The following STRIP1 variants were observed in gnomAD, a reference collection of about 807,000 sequenced individuals.
The protein encoded by STRIP1 is striatin interacting protein 1, also known as striatin-interacting protein 1.
In STRIP1, 63 loss-of-function variants were observed where a neutral mutation model predicts 106.2. The ratio of observed to expected loss-of-function variants is 0.59; its 90% confidence interval spans 0.48 to 0.73. The LOEUF (loss-of-function observed/expected upper bound fraction) is 0.73, where lower values mean the gene tolerates loss of function less well. STRIP1 is among the 30% of genes least tolerant of loss of function. The pLI is 0.00. For missense variants in STRIP1, 857 were observed against 1,074.8 expected (o/e 0.80, Z 2.83); for synonymous variants, 390 against 413.0 (o/e 0.94, Z 0.67).
chr1:110,039,113 G>A (rs1417252740), intron 3 of STRIP1, 59 bp from the exon 4 acceptor site: 2 of 1,601,010 alleles, frequency 1.2e-6, no homozygotes, highest in Non-Finnish European at 1.7e-6. Context: ...GTTAACATGG[G>A]TCCATGCCAT....
At chr1:110,053,117 C>T (rs755952843) in intron 20 of STRIP1, among the ~76,000 whole-genome samples, 2 of 152,344 alleles carry the variant, frequency 1.3e-5, no homozygotes, top group Non-Finnish European at 2.9e-5. Context: ...TGAACATAGC[C>T]GTGTGGTTCC....
upstream of STRIP1, chr1:110,034,612 T>C (rs1652340256): frequency 2.0e-6 from 3 of 1,486,142 alleles, no homozygotes; most frequent in Non-Finnish European, 2.7e-6. Flanking sequence ...GTGCGCGAGT[T>C]AAGCTGGGGG....
In STRIP1 at chr1:110,039,484, G is replaced by A. The variant is rs1169687482; in HGVS notation, c.550G>A (p.Ala184Thr). 4 of 1,608,900 alleles carry A rather than the reference G, an allele frequency of 2.5e-6. No individual in the cohort carries two copies. In the African/African-American group the frequency reaches 5.3e-5, roughly 21 times the overall value. ...FLLLEVGTFN[A>T]LVELLNMEID... ...CCTCCTGGAGGTGGGCACGTTCAAT[G>A]CTTTGGTGGAGCTTCTGAACATGGA... is the stretch of plus-strand genomic sequence containing the variant. Residue 184 changes from alanine (A) to threonine (T), a missense_variant, in exon 5 of 21, where the codon GCT becomes ACT. By Grantham distance (58) the Ala-to-Thr change is moderately conservative. Around this residue, in one of 2 missense-constraint regions of STRIP1, gnomAD observed 750 missense variants for 989.8 expected, o/e 0.76. Transcript: ENST00000369795.
At chr1:110,043,913 C>T in intron 10 of STRIP1, 57 bp downstream of exon 10, 1 of 1,505,746 alleles carries the variant, frequency 6.6e-7, no homozygotes, top group South Asian at 1.1e-5. Context: ...CTCACACCCT[C>T]AGGCCTGCCA....
intron 8 of STRIP1, 116 bp from the exon 9 acceptor site, chr1:110,042,972 G>T: frequency 1.0e-6 from 1 of 997,346 alleles, no homozygotes; most frequent in South Asian, 1.7e-5. Context: ...GAGTTGCCTG[G>T]GTCTCTATAA....
chr1:110,053,340 G>C (rs186996208), intron 20 of STRIP1, among the ~76,000 whole-genome samples: 1 of 152,342 alleles, frequency 6.6e-6, no homozygotes, highest in African/African-American at 2.4e-5. Flanking sequence ...GAGAGAATGA[G>C]CAAAGGAGAA....
intron 1 of STRIP1, among the ~76,000 whole-genome samples, chr1:110,036,684 G>C (rs1304731012): frequency 1.3e-5 from 2 of 152,170 alleles, no homozygotes; most frequent in Admixed American, 1.3e-4. Context: ...ATTTTGATTA[G>C]TCCTTAAAAA....
In STRIP1 at chr1:110,053,717, C is replaced by T. The variant is rs771834516; in HGVS notation, c.2319C>T (p.Ala773=). 1.2e-6 allele frequency: 2 copies of T among 1,613,960 alleles called. No homozygotes were observed. The highest frequency in any genetic ancestry group is 1.7e-6 in the Non-Finnish European group (2 of 1,180,020). The change falls in exon 21 of 21, where the codon GCC becomes GCT. Residue 773 remains alanine, a synonymous_variant. Coordinates refer to ENST00000369795, the MANE Select transcript of STRIP1 (RefSeq NM_033088.4). ...DFQAEECALR[A]NIERFNARRY... Reference sequence around the variant, plus strand: ...AGGCAGAGGAGTGTGCCCTTCGTGCCAACATTGAACGCTTCAACGCCCGGC... The same window carrying T: ...AGGCAGAGGAGTGTGCCCTTCGTGCTAACATTGAACGCTTCAACGCCCGGC...
chr1:110,039,588 A>T, intron 5 of STRIP1, 73 bp downstream of exon 5: 1 of 1,519,974 alleles, frequency 6.6e-7, no homozygotes. Context: ...TGCAGAACTA[A>T]CTGGCTTTGA....
intron 5 of STRIP1, chr1:110,039,868 A>G (rs1570915988): frequency 1.5e-6 from 2 of 1,298,244 alleles, no homozygotes; most frequent in Non-Finnish European, 2.0e-6. Context: ...GCAGGAGGCC[A>G]GGCACAAGAC....
At chr1:110,045,857 C>A (rs1007870839) in intron 12 of STRIP1, among the ~76,000 whole-genome samples, 1 of 152,112 alleles carries the variant, frequency 6.6e-6, no homozygotes, top group Non-Finnish European at 1.5e-5. Flanking sequence ...CCCATACTCT[C>A]CGATCAGAGA....
chr1:110,050,253 G>C, intron 17 of STRIP1, 90 bp from the exon 18 acceptor site: 1 of 1,278,830 alleles, frequency 7.8e-7, no homozygotes, highest in Admixed American at 1.8e-5. Flanking sequence ...AAGTGAGGGA[G>C]GAAAGCTGGG....
chr1:110,039,309 A>C lies in STRIP1; in HGVS notation c.460+3A>C. 1.2e-6 allele frequency: 2 copies of C among 1,614,110 alleles called. No homozygotes were observed. Among genetic ancestry groups the C allele is most frequent in the Non-Finnish European group, 1.7e-6 (2 of 1,179,992 alleles). ...AGCAATTCTCTATGTTGCTCAAGGTATTGAGTGGACCTCCCCAGGGTTCCC... is the reference window on the plus strand; with the variant it reads ...AGCAATTCTCTATGTTGCTCAAGGTCTTGAGTGGACCTCCCCAGGGTTCCC... On this transcript the variant is annotated splice_donor_region_variant and intron_variant, in intron 4 of 20. Transcript: ENST00000369795.
chr1:110,049,023 G>A, intron 15 of STRIP1, 89 bp from the exon 16 acceptor site: 3 of 1,523,554 alleles, frequency 2.0e-6, no homozygotes, highest in Non-Finnish European at 2.7e-6. Context: ...TCTTTGCCCA[G>A]GGAGGCTCCG....
Position 110,051,077 on chromosome 1 carries a change from A to G in STRIP1, c.2061+17A>G, listed in dbSNP as rs369479496. 2 of 1,526,862 alleles carry G rather than the reference A, an allele frequency of 1.3e-6. No individual in the cohort carries two copies. The highest frequency in any genetic ancestry group is 1.8e-6 in the Non-Finnish European group (2 of 1,100,244). 94.6% of individuals were successfully genotyped at this position (1,526,862 alleles called of 1,614,324 possible). A position where few individuals can be genotyped will look rare whatever the true frequency, so the allele number is the denominator to read the frequency against. On this transcript the variant is annotated intron_variant, in intron 19 of 20. Coordinates refer to ENST00000369795, the MANE Select transcript of STRIP1 (RefSeq NM_033088.4). ...AGGACAATGGTAAGTGAGTCAGTGT[A>G]GTCAGCAGGCTTGGAACTTGGAGCT...
chr1:110,049,426 C>CTTTTTTTTTTTTTTTTTTTTTTTTTTTTT, intron 16 of STRIP1, 34 bp from the exon 17 acceptor site: 1 of 1,320,628 alleles, frequency 7.6e-7, no homozygotes, highest in Non-Finnish European at 1.0e-6. Context: ...AGGGCCGCGC[C>CTTTTTTTTTTTTTTTTTTTTTTTTTTTTT]TTTTTTTTTT....
chr1:110,039,483 T>C lies in STRIP1; in HGVS notation c.549T>C (p.Asn183=), dbSNP rs755378232. ...TCCTCCTGGAGGTGGGCACGTTCAATGCTTTGGTGGAGCTTCTGAACATGG... is the reference window on the plus strand; with the variant it reads ...TCCTCCTGGAGGTGGGCACGTTCAACGCTTTGGTGGAGCTTCTGAACATGG... ...IFLLLEVGTF[N]ALVELLNMEI... Residue 183 remains asparagine, a synonymous_variant, in exon 5 of 21, where the codon AAT becomes AAC. Transcript: ENST00000369795. 8 of 1,609,326 alleles carry C rather than the reference T, an allele frequency of 5.0e-6. No individual in the cohort carries two copies. The highest frequency in any genetic ancestry group is 1.7e-5 in the Admixed American group (1 of 59,064).
intron 10 of STRIP1, 121 bp from the exon 11 acceptor site, chr1:110,044,719 T>C (rs1557792279): frequency 1.1e-6 from 1 of 897,390 alleles, no homozygotes; most frequent in Non-Finnish European, 1.7e-6. Context: ...AGAAAAACAA[T>C]TATAGGAGAC....
Position 110,039,528 on chromosome 1 carries a change from G to C in STRIP1, c.581+13G>C. 6.3e-7 allele frequency: 1 copy of C among 1,590,692 alleles called. No individual in the cohort carries two copies. The highest frequency in any genetic ancestry group is 8.6e-7 in the Non-Finnish European group (1 of 1,168,436). The stretch of plus-strand genomic sequence containing the variant: ...ACATGGAAATAGAGTGAGCATTTTT[G>C]AGAGGCTGAGTAGGGAAGGGGAGGC... On this transcript the variant is annotated intron_variant, in intron 5 of 20. Transcript: ENST00000369795.
Sources: allele counts gnomAD v4.1 joint callset (sites outside exome capture counted in the v4.1 genomes callset), GRCh38; gene constraint gnomAD v4.1.1; regional missense constraint gnomAD v4.1.1; transcripts MANE v1.5; gene names NCBI Gene and HGNC (gene_info 2026-07-23, HGNC 2026-07-21).